The following GALNT18 variants were observed in gnomAD, a reference collection of about 807,000 sequenced individuals.
GALNT18 encodes the protein GalNAc-transferase 18.
A neutral mutation model predicts 69.5 loss-of-function variants in GALNT18; 44 were observed. The ratio of observed to expected loss-of-function variants is 0.63; its 90% confidence interval spans 0.50 to 0.81. The LOEUF (loss-of-function observed/expected upper bound fraction) is 0.81. GALNT18 is among the 40% of genes least tolerant of loss of function. GALNT18 has a pLI of 0.00. For missense variants in GALNT18, 715 were observed against 810.0 expected, an observed-to-expected ratio of 0.88 and a Z score of 1.42; for synonymous variants, 364 against 318.2, an observed-to-expected ratio of 1.14 and a Z score of -1.53.
intron 10 of GALNT18, among the ~76,000 whole-genome samples, chr11:11,274,282 AGTTTTT>A (rs369746332): frequency 2.9e-3 from 443 of 152,210 alleles, no homozygotes; most frequent in Non-Finnish European, 4.2e-3. Flanking sequence ...TAGCTGCAGG[AGTTTTT>A]GTTTTTGTTT....
intron 1 of GALNT18, among the ~76,000 whole-genome samples, chr11:11,479,412 A>G (rs1856474729): frequency 6.6e-6 from 1 of 152,176 alleles, no homozygotes; most frequent in African/African-American, 2.4e-5. Flanking sequence ...TAAGAAATCA[A>G]TACATAATGT....
At chr11:11,509,652 C>T (rs1465003723) in intron 1 of GALNT18, among the ~76,000 whole-genome samples, 2 of 152,222 alleles carry the variant, frequency 1.3e-5, no homozygotes, top group East Asian at 1.9e-4. Context: ...CTCTCCATGC[C>T]TCCAGTCATT....
In GALNT18 at chr11:11,413,555, A is replaced by G. The variant is rs1854781340; in HGVS notation, c.595+19066T>C. On this transcript the variant is annotated intron_variant, in intron 3 of 10. Coordinates refer to ENST00000227756, the MANE Select transcript of GALNT18 (RefSeq NM_198516.3). This position sits in a 1 kb window ranked among gnomAD's most constrained non-coding sequence, Gnocchi z 4.7. ...TTGGTGCTTAATGCACCGTACCACTAGCCCAGAACAATTGAAGTAACTCAC... is the reference window on the plus strand; with the variant it reads ...TTGGTGCTTAATGCACCGTACCACTGGCCCAGAACAATTGAAGTAACTCAC... Among the ~76,000 whole-genome samples, 1 of 152,206 alleles carries G rather than the reference A, an allele frequency of 6.6e-6. No individual in the cohort carries two copies. Among genetic ancestry groups the G allele is most frequent in the African/African-American group, 2.4e-5 (1 of 41,452 alleles).
chr11:11,460,286 G>A (rs1233858424), intron 1 of GALNT18, among the ~76,000 whole-genome samples: 1 of 152,188 alleles, frequency 6.6e-6, no homozygotes, highest in Non-Finnish European at 1.5e-5. Flanking sequence ...TCCAATCATT[G>A]TGTGGCTTTT....
intron 10 of GALNT18, among the ~76,000 whole-genome samples, chr11:11,272,919 G>A (rs1848856854): frequency 6.6e-6 from 1 of 152,208 alleles, no homozygotes; most frequent in African/African-American, 2.4e-5. Context: ...TCAAGAGAGT[G>A]TTAAGACTTG....
At position 11,579,562 on chromosome 11, in the gene GALNT18, G is replaced by C. The variant is rs551583072; in HGVS notation, c.235+41797C>G. On this transcript the variant is annotated intron_variant, in intron 1 of 10. Coordinates refer to ENST00000227756, the MANE Select transcript of GALNT18 (RefSeq NM_198516.3). Reference sequence around the variant, plus strand: ...CCTCTAGCCTCTGGAACCCCGCCAGGGTACCCCATGGGCATCGCAGGCCAT... The same window carrying C: ...CCTCTAGCCTCTGGAACCCCGCCAGCGTACCCCATGGGCATCGCAGGCCAT... Among the ~76,000 whole-genome samples the C allele has an allele frequency of 6.6e-5, 10 of 152,284 alleles. No individual in the cohort carries two copies. The South Asian group carries it at 1.2e-3, about 19-fold the overall frequency.
chr11:11,429,312 C>T (rs1855212331), intron 3 of GALNT18, among the ~76,000 whole-genome samples: 1 of 152,248 alleles, frequency 6.6e-6, no homozygotes, highest in Non-Finnish European at 1.5e-5. Flanking sequence ...TGCTAACGCT[C>T]TTCCTCCCGA....
chr11:11,466,666 A>G (rs1026694375), intron 1 of GALNT18, among the ~76,000 whole-genome samples: 11 of 152,220 alleles, frequency 7.2e-5, no homozygotes, highest in Non-Finnish European at 5.9e-5. Context: ...TCTGTGGCCA[A>G]AGAAGGTGCT....
intron 7 of GALNT18, among the ~76,000 whole-genome samples, chr11:11,335,449 CCTT>C (rs1850095880): frequency 6.6e-6 from 1 of 152,190 alleles, no homozygotes; most frequent in South Asian, 2.1e-4. Context: ...AGAAAGTAAA[CCTT>C]CTCTGAGAAG....
At chr11:11,483,690 G>A (rs980471197) in intron 1 of GALNT18, among the ~76,000 whole-genome samples, 4 of 152,132 alleles carry the variant, frequency 2.6e-5, no homozygotes, top group Admixed American at 6.5e-5. Context: ...TTTCTCTTCC[G>A]ATTGAGGCAA....
At chr11:11,283,027 A>AG (rs1326800943) in intron 10 of GALNT18, among the ~76,000 whole-genome samples, 1 of 152,120 alleles carries the variant, frequency 6.6e-6, no homozygotes, top group Admixed American at 6.5e-5. Flanking sequence ...AAGGGCAAGG[A>AG]GGGGAGGAGG....
chr11:11,557,436 C>T (rs1428561937), intron 1 of GALNT18, among the ~76,000 whole-genome samples: 2 of 152,130 alleles, frequency 1.3e-5, no homozygotes, highest in Non-Finnish European at 2.9e-5. Flanking sequence ...TTCTCTGGGT[C>T]CTGCCTATGG....
At chr11:11,276,390 C>G (rs1286669627) in intron 10 of GALNT18, among the ~76,000 whole-genome samples, 1 of 152,182 alleles carries the variant, frequency 6.6e-6, no homozygotes, top group Non-Finnish European at 1.5e-5. Flanking sequence ...TATCCTGAGA[C>G]TTTGCTGAAG....
In GALNT18 at chr11:11,620,330, CGCGTGT is replaced by C. The variant is rs1211725388; in HGVS notation, c.235+1023_235+1028del. Reference sequence around the variant, plus strand: ...GTGTGGACGTGAGCGCGCGCGCGCGCGCGTGTGTGTGTGTGTGTGCACACCCGGCAC... The same window carrying C: ...GTGTGGACGTGAGCGCGCGCGCGCGCGTGTGTGTGTGTGCACACCCGGCAC... On this transcript the variant is annotated intron_variant, in intron 1 of 10. Coordinates refer to ENST00000227756, the MANE Select transcript of GALNT18 (RefSeq NM_198516.3). This position sits in a 1 kb window ranked among gnomAD's most constrained non-coding sequence, Gnocchi z 6.9. Among the ~76,000 whole-genome samples, 1 of 130,950 alleles carries C rather than the reference CGCGTGT, an allele frequency of 7.6e-6. No homozygotes were observed. The highest frequency in any genetic ancestry group is 7.4e-5 in the Admixed American group (1 of 13,492). The allele number at this position is 130,950 out of a possible 152,430, so 85.9% of individuals were successfully genotyped here.
chr11:11,283,812 C>T (rs1849136855), intron 10 of GALNT18, among the ~76,000 whole-genome samples: 1 of 152,130 alleles, frequency 6.6e-6, no homozygotes, highest in South Asian at 2.1e-4. Flanking sequence ...GAAGCCGTAG[C>T]ACACAGAGAA....
At chr11:11,379,894 G>A (rs1415842574) in intron 3 of GALNT18, among the ~76,000 whole-genome samples, 15 of 152,222 alleles carry the variant, frequency 9.9e-5, no homozygotes, top group Non-Finnish European at 2.2e-4. Flanking sequence ...AACTGTAAAT[G>A]GGGCCTGCAG....
At chr11:11,336,176 G>A (rs1327993262) in intron 7 of GALNT18, among the ~76,000 whole-genome samples, 1 of 152,162 alleles carries the variant, frequency 6.6e-6, no homozygotes, top group African/African-American at 2.4e-5. Context: ...CCCTGCTTAA[G>A]AAAATATTGA....
intron 7 of GALNT18, among the ~76,000 whole-genome samples, chr11:11,334,478 G>T (rs1850075322): frequency 6.6e-6 from 1 of 151,816 alleles, no homozygotes; most frequent in African/African-American, 2.4e-5. Flanking sequence ...AGGAGGTGGA[G>T]CTTGCAGTGA....
At chr11:11,479,738 AT>A (rs1341363758) in intron 1 of GALNT18, among the ~76,000 whole-genome samples, 1 of 152,212 alleles carries the variant, frequency 6.6e-6, no homozygotes, top group Non-Finnish European at 1.5e-5. Context: ...AAGTCACGTC[AT>A]TGATTCATCT....
Sources: allele counts gnomAD v4.1 joint callset (sites outside exome capture counted in the v4.1 genomes callset), GRCh38; gene constraint gnomAD v4.1.1; non-coding constraint Gnocchi (gnomAD v3.1); transcripts MANE v1.5; gene names NCBI Gene and HGNC (gene_info 2026-07-23, HGNC 2026-07-21).